The following UNC5D variants were observed in gnomAD, a reference collection of about 807,000 sequenced individuals.
The protein encoded by UNC5D is netrin receptor UNC5D.
A neutral mutation model predicts 105.4 loss-of-function variants in UNC5D; 39 were observed. The observed-to-expected ratio is 0.37, with a 90% CI of 0.29 to 0.48. The LOEUF is 0.48. UNC5D is among the 20% of genes least tolerant of loss of function. The pLI, the probability that UNC5D is intolerant of heterozygous loss-of-function variation, is 0.98. For missense variants in UNC5D, 991 were observed against 1,202.4 expected (o/e 0.82, Z 2.60); for synonymous variants, 452 against 450.4 (o/e 1.00, Z -0.04).
At chr8:35,478,545 C>G (rs932378597) in intron 1 of UNC5D, among the ~76,000 whole-genome samples, 6 of 152,142 alleles carry the variant, frequency 3.9e-5, no homozygotes, top group African/African-American at 1.4e-4. Context: ...CCCTTGCTGA[C>G]TTGGTGCTAA....
chr8:35,664,124 A>G (rs1233709889), intron 4 of UNC5D, among the ~76,000 whole-genome samples: 1 of 152,222 alleles, frequency 6.6e-6, no homozygotes, highest in Non-Finnish European at 1.5e-5. Flanking sequence ...AAAGTCAGAT[A>G]TATTTAAAGG....
intron 1 of UNC5D, among the ~76,000 whole-genome samples, chr8:35,269,955 A>G (rs1382641761): frequency 2.0e-5 from 3 of 152,340 alleles, no homozygotes; most frequent in South Asian, 2.1e-4. Flanking sequence ...CAGCCACTAA[A>G]GTATGAGAGA....
intron 1 of UNC5D, among the ~76,000 whole-genome samples, chr8:35,274,172 T>G (rs1257327418): frequency 1.3e-5 from 2 of 152,174 alleles, no homozygotes; most frequent in African/African-American, 4.8e-5. Context: ...GTAAAATCTT[T>G]TCTTAGTCAT....
intron 1 of UNC5D, among the ~76,000 whole-genome samples, chr8:35,320,961 C>G (rs1399773575): frequency 6.6e-6 from 1 of 152,084 alleles, no homozygotes; most frequent in East Asian, 1.9e-4. Flanking sequence ...CACTTTCTCT[C>G]CTGATTTGTC....
chr8:35,365,934 A>G (rs1802096633), intron 1 of UNC5D, among the ~76,000 whole-genome samples: 1 of 152,182 alleles, frequency 6.6e-6, no homozygotes, highest in African/African-American at 2.4e-5. Context: ...AACTGCTCAC[A>G]TTTTGTGGGG....
intron 1 of UNC5D, among the ~76,000 whole-genome samples, chr8:35,331,254 G>A (rs1055305236): frequency 2.0e-5 from 3 of 152,154 alleles, no homozygotes; most frequent in Non-Finnish European, 2.9e-5. Context: ...GAAGTCCAGT[G>A]GTTCGATAAA....
chr8:35,675,168 G>A (rs1825125309), intron 4 of UNC5D, among the ~76,000 whole-genome samples: 1 of 152,198 alleles, frequency 6.6e-6, no homozygotes, highest in Non-Finnish European at 1.5e-5. Context: ...TTGAAGAACA[G>A]CTCTCTCAGC....
At position 35,426,131 on chromosome 8, in the gene UNC5D, G is replaced by A. The variant is rs745737148; in HGVS notation, c.104-123161G>A. ...CCTTTGAAACTACATAGGATACCGAGACATAAGAACTCTTCAAGTGTTTGA... is the reference window on the plus strand; with the variant it reads ...CCTTTGAAACTACATAGGATACCGAAACATAAGAACTCTTCAAGTGTTTGA... On this transcript the variant is annotated intron_variant, in intron 1 of 16. Coordinates refer to ENST00000404895, the MANE Select transcript of UNC5D (RefSeq NM_080872.4). Among the ~76,000 whole-genome samples the A allele has an allele frequency of 2.8e-4, 43 of 152,166 alleles. 1 individual carries two copies. The highest frequency in any genetic ancestry group is 2.2e-4 in the Non-Finnish European group (15 of 68,000).
At chr8:35,509,575 T>C (rs1233308712) in intron 1 of UNC5D, among the ~76,000 whole-genome samples, 3 of 30,064 alleles carry the variant, frequency 1.0e-4, no homozygotes, top group Non-Finnish European at 2.1e-4. Flanking sequence ...TTCCCCTGCA[T>C]TGGATACTTT....
At chr8:35,475,945 GC>G (rs1409090472) in intron 1 of UNC5D, among the ~76,000 whole-genome samples, 4 of 152,082 alleles carry the variant, frequency 2.6e-5, no homozygotes, top group Non-Finnish European at 4.4e-5. Context: ...CTTACTGAGT[GC>G]CCACTAGGCT....
chr8:35,371,251 T>A (rs1219269611), intron 1 of UNC5D, among the ~76,000 whole-genome samples: 1 of 152,108 alleles, frequency 6.6e-6, no homozygotes, highest in Non-Finnish European at 1.5e-5. Flanking sequence ...TTTAGATATG[T>A]TCTGATTTAT....
intron 1 of UNC5D, among the ~76,000 whole-genome samples, chr8:35,523,456 T>G (rs1223105071): frequency 1.3e-5 from 2 of 151,962 alleles, no homozygotes; most frequent in Non-Finnish European, 2.9e-5. Flanking sequence ...CTGGTATAAG[T>G]AGATAATTTT....
chr8:35,252,321 G>T (rs899267321), intron 1 of UNC5D, among the ~76,000 whole-genome samples: 3 of 152,236 alleles, frequency 2.0e-5, no homozygotes, highest in South Asian at 4.1e-4. Flanking sequence ...ATACTTAGAA[G>T]TAAAGTTATC....
intron 16 of UNC5D, among the ~76,000 whole-genome samples, chr8:35,785,057 A>T (rs1429876447): frequency 1.4e-5 from 2 of 145,018 alleles, no homozygotes; most frequent in Non-Finnish European, 3.0e-5. Context: ...TGGTTCCATT[A>T]AAAAAAAAAA....
intron 14 of UNC5D, among the ~76,000 whole-genome samples, chr8:35,765,678 G>T (rs1422012924): frequency 6.6e-6 from 1 of 152,090 alleles, no homozygotes; most frequent in Non-Finnish European, 1.5e-5. Context: ...GCACATAAGG[G>T]CTCGGGAATA....
Position 35,267,434 on chromosome 8 carries a change from TTTG to T in UNC5D, c.103+31559_103+31561del, listed in dbSNP as rs968714539. ...CTGAGTTGGGAAGTGACCATGAATA[TTTG>T]TTGTTGTTGTTATTGTTTTGAGATG... On this transcript the variant is annotated intron_variant, in intron 1 of 16. Transcript: ENST00000404895. Among the ~76,000 whole-genome samples the T allele has an allele frequency of 7.2e-5, 11 of 152,142 alleles. No homozygotes were observed. The South Asian group carries it at 1.2e-3, about 17-fold the overall frequency.
chr8:35,589,960 T>A (rs1819052933), intron 3 of UNC5D, among the ~76,000 whole-genome samples: 1 of 152,330 alleles, frequency 6.6e-6, no homozygotes, highest in East Asian at 1.9e-4. Flanking sequence ...CTGTTTCTTA[T>A]ATGCTTGCTA....
chr8:35,761,740 A>G (rs1801543202), intron 14 of UNC5D, among the ~76,000 whole-genome samples: 1 of 151,812 alleles, frequency 6.6e-6, no homozygotes, highest in South Asian at 2.1e-4. Context: ...CCTACCACCA[A>G]TTTCCTTGCC....
At chr8:35,737,133 T>C (rs1829508721) in intron 11 of UNC5D, among the ~76,000 whole-genome samples, 1 of 152,146 alleles carries the variant, frequency 6.6e-6, no homozygotes, top group Non-Finnish European at 1.5e-5. Context: ...ATAGTTACTC[T>C]ACTTTTGAGT....
Sources: gnomAD v4.1 joint callset for allele counts (sites outside exome capture counted in the v4.1 genomes callset) on GRCh38, gnomAD v4.1.1 for gene constraint, MANE v1.5 for transcripts, NCBI Gene and HGNC (gene_info 2026-07-23, HGNC 2026-07-21) for gene names.